Variants in CNTNAP2 observed in about 807,000 individuals in gnomAD.
CNTNAP2 encodes the protein contactin associated protein 2.
CNTNAP2 carries 98 observed loss-of-function variants against 155.2 expected under a neutral mutation model. That is an observed-to-expected ratio of 0.63 (90% confidence interval 0.54 to 0.75). The LOEUF (loss-of-function observed/expected upper bound fraction) is 0.75, where lower values mean the gene tolerates loss of function less well. Ranked by LOEUF, CNTNAP2 falls within the 30% of genes least tolerant of loss-of-function variation. CNTNAP2 has a pLI of 0.00. For synonymous variants in CNTNAP2, 651 were observed against 631.2 expected (o/e 1.03, Z -0.47); for missense variants, 1,727 against 1,688.1 (o/e 1.02, Z -0.40).
intron 1 of CNTNAP2, among the ~76,000 whole-genome samples, chr7:146,455,704 C>G (rs1240565976): frequency 6.6e-6 from 1 of 152,146 alleles, no homozygotes; most frequent in African/African-American, 2.4e-5. Context: ...ATAATTTAAT[C>G]TATCCAGCTT....
chr7:147,971,768 C>A (rs1178884167), intron 14 of CNTNAP2, among the ~76,000 whole-genome samples: 1 of 152,152 alleles, frequency 6.6e-6, no homozygotes, highest in Non-Finnish European at 1.5e-5. Flanking sequence ...ACCTAAAAGG[C>A]TTTGTGTGAA....
intron 3 of CNTNAP2, among the ~76,000 whole-genome samples, chr7:146,977,020 G>A (rs1584761631): frequency 6.6e-6 from 1 of 152,074 alleles, no homozygotes; most frequent in African/African-American, 2.4e-5. Flanking sequence ...AAGGAAGGGA[G>A]GAGAAAGGCA....
chr7:147,985,121 A>AAT (rs1801594778), intron 15 of CNTNAP2, among the ~76,000 whole-genome samples: 1 of 146,822 alleles, frequency 6.8e-6, no homozygotes, highest in African/African-American at 2.6e-5. Context: ...TCAAAAAATA[A>AAT]ATAAATAAAT....
intron 4 of CNTNAP2, chr7:147,081,240 A>G (rs1249123563): frequency 6.6e-6 from 1 of 152,074 alleles, no homozygotes; most frequent in Non-Finnish European, 1.5e-5. Context: ...ACGAGTGGAC[A>G]GTGGGATGCC....
chr7:146,821,824 A>C (rs1803290163), intron 2 of CNTNAP2, among the ~76,000 whole-genome samples: 1 of 151,716 alleles, frequency 6.6e-6, no homozygotes, highest in Middle Eastern at 3.4e-3. Flanking sequence ...AGGAAAAAAC[A>C]GGTGCTGGAG....
chr7:147,867,774 C>T (rs1042110521), intron 13 of CNTNAP2, among the ~76,000 whole-genome samples: 5 of 152,040 alleles, frequency 3.3e-5, no homozygotes, highest in African/African-American at 7.2e-5. Context: ...TCACAAAGTT[C>T]GCGTGCCATG....
intron 12 of CNTNAP2, among the ~76,000 whole-genome samples, chr7:147,624,165 A>C (rs780261903): frequency 3.3e-5 from 5 of 152,150 alleles, no homozygotes; most frequent in Non-Finnish European, 7.4e-5. Context: ...ACAAGAAAAC[A>C]CTGGGGAAAC....
chr7:146,452,644 AAACTT>A (rs1228101337), intron 1 of CNTNAP2, among the ~76,000 whole-genome samples: 1 of 152,222 alleles, frequency 6.6e-6, no homozygotes, highest in Non-Finnish European at 1.5e-5. Flanking sequence ...TTCTTTCTTT[AAACTT>A]AACTTCTCAG....
chr7:147,313,148 G>T lies in CNTNAP2; in HGVS notation c.1498+12858G>T, dbSNP rs188745798. Among the ~76,000 whole-genome samples, 260 of 148,076 alleles carry T rather than the reference G, an allele frequency of 1.8e-3. 1 individual carries two copies. The highest frequency in any genetic ancestry group is 6.3e-3 in the African/African-American group (249 of 39,404). ...TGTAAATTTGTTTGAGTTCATTGTA[G>T]ATTCTGGATTTTAGCCCTTTGTCAG... On this transcript the variant is annotated intron_variant, in intron 9 of 23. Transcript: ENST00000361727.
At chr7:147,054,349 T>C (rs550134948) in intron 4 of CNTNAP2, among the ~76,000 whole-genome samples, 2 of 152,256 alleles carry the variant, frequency 1.3e-5, no homozygotes, top group Admixed American at 6.5e-5. Context: ...TAAACATAAC[T>C]CAAGCTTTAA....
At chr7:147,614,504 T>C (rs1305480724) in intron 12 of CNTNAP2, among the ~76,000 whole-genome samples, 2 of 151,960 alleles carry the variant, frequency 1.3e-5, no homozygotes, top group African/African-American at 4.8e-5. Flanking sequence ...TTGATTTTTG[T>C]ATATTGTTCT....
At position 146,774,320 on chromosome 7, in the gene CNTNAP2, C is replaced by A. The variant is rs564218122; in HGVS notation, c.147C>A (p.Ser49Arg). ...CTGGACTCCCCCATGTGGCTTTCAG[C>A]AGCTCCTCCTCCATCTCTGGTAGCT... ...LVSGLPHVAF[S>R]SSSSISGSYS... The change falls in exon 2 of 24, where the codon AGC becomes AGA. Residue 49 changes from serine to arginine, a missense_variant. By Grantham distance (110) the Ser-to-Arg change is moderately radical. Transcript: ENST00000361727. 6.2e-7 allele frequency: 1 copy of A among 1,613,992 alleles called. No homozygotes were observed. Among genetic ancestry groups the A allele is most frequent in the African/African-American group, 1.3e-5 (1 of 75,016 alleles).
chr7:147,408,407 G>C (rs1163115333), intron 10 of CNTNAP2, among the ~76,000 whole-genome samples: 2 of 152,186 alleles, frequency 1.3e-5, no homozygotes, highest in African/African-American at 2.4e-5. Flanking sequence ...TTCTTTCACA[G>C]ACTGGCAGCT....
intron 8 of CNTNAP2, among the ~76,000 whole-genome samples, chr7:147,247,886 G>A (rs1214325301): frequency 3.9e-5 from 6 of 151,976 alleles, no homozygotes; most frequent in South Asian, 2.1e-4. Context: ...TTATGCTTAC[G>A]TTTAGGTTCA....
At chr7:146,412,286 T>C (rs1584913360) in intron 1 of CNTNAP2, among the ~76,000 whole-genome samples, 1 of 152,224 alleles carries the variant, frequency 6.6e-6, no homozygotes, top group South Asian at 2.1e-4. Flanking sequence ...AATGCTCTTA[T>C]CTGTAAATCA....
chr7:147,947,086 G>T (rs73464216), intron 14 of CNTNAP2, among the ~76,000 whole-genome samples: 4,794 of 152,210 alleles, frequency 0.031, 268 homozygotes, highest in African/African-American at 0.11. Context: ...GTGGAGGGAA[G>T]GTGAGTGGTT....
chr7:148,205,366 C>T (rs532970492), intron 18 of CNTNAP2, among the ~76,000 whole-genome samples: 2 of 152,330 alleles, frequency 1.3e-5, no homozygotes, highest in East Asian at 1.9e-4. Context: ...GCAGTCTCCT[C>T]GCAGCAAACT....
chr7:146,315,593 A>G (rs1800893227), intron 1 of CNTNAP2, among the ~76,000 whole-genome samples: 1 of 152,074 alleles, frequency 6.6e-6, no homozygotes, highest in African/African-American at 2.4e-5. Context: ...CTGTGGGAGG[A>G]GGGAGCATCA....
intron 12 of CNTNAP2, among the ~76,000 whole-genome samples, chr7:147,629,374 G>A (rs899457438): frequency 6.6e-6 from 1 of 150,570 alleles, no homozygotes; most frequent in African/African-American, 2.4e-5. Context: ...CTGCACTCCA[G>A]CCTGGGCAAC....
Sources: gnomAD v4.1 joint callset for allele counts (sites outside exome capture counted in the v4.1 genomes callset) on GRCh38, gnomAD v4.1.1 for gene constraint, MANE v1.5 for transcripts, NCBI Gene and HGNC (gene_info 2026-07-23, HGNC 2026-07-21) for gene names.